The following EGLN1 variants were observed in gnomAD, a reference collection of about 807,000 sequenced individuals.
EGLN1 encodes the protein egl nine homolog 1.
In EGLN1, 17 loss-of-function variants were observed where a neutral mutation model predicts 38.3. That is an observed-to-expected ratio of 0.44 (90% CI 0.30 to 0.67). The LOEUF (loss-of-function observed/expected upper bound fraction) is 0.67. Ranked by LOEUF, EGLN1 falls within the 30% of genes least tolerant of loss-of-function variation. The pLI is 0.08. For synonymous variants in EGLN1, 283 were observed against 257.5 expected, an observed-to-expected ratio of 1.10 and a Z score of -0.95; for missense variants, 477 against 603.3, an observed-to-expected ratio of 0.79 and a Z score of 2.19.
At chr1:231,395,855 T>C (rs1688510827) in intron 1 of EGLN1, among the ~76,000 whole-genome samples, 1 of 151,988 alleles carries the variant, frequency 6.6e-6, no homozygotes, top group Non-Finnish European at 1.5e-5. Context: ...TTTAACAAGA[T>C]CTCCAAGTGA....
intron 1 of EGLN1, among the ~76,000 whole-genome samples, chr1:231,382,059 G>T (rs1688090910): frequency 6.6e-6 from 1 of 152,152 alleles, no homozygotes; most frequent in African/African-American, 2.4e-5. Flanking sequence ...ATAATTCGTT[G>T]GAAGAGTCTG....
At chr1:231,391,083 GTTTTTTTTTTGTGTGTGTGTGT>G (rs1368950546) in intron 1 of EGLN1, among the ~76,000 whole-genome samples, 60 of 49,796 alleles carry the variant, frequency 1.2e-3, no homozygotes, top group Non-Finnish European at 2.3e-3. Context: ...AACTCATTCT[GTTTTTTTTTTGTGTGTGTGTGT>G]GTGTGTGTGT....
chr1:231,372,942 G>A (rs1687865515), intron 2 of EGLN1, among the ~76,000 whole-genome samples: 1 of 152,052 alleles, frequency 6.6e-6, no homozygotes, highest in African/African-American at 2.4e-5. Context: ...TGGCTACACA[G>A]GTATGTTCAC....
chr1:231,367,452 AAAAC>A, intron 4 of EGLN1, 113 bp downstream of exon 4: 2 of 1,087,494 alleles, frequency 1.8e-6, no homozygotes, highest in Admixed American at 1.8e-5. Context: ...AATCTGATAA[AAAAC>A]AAAAAGTAAG....
chr1:231,407,378 G>A (rs550443215), intron 1 of EGLN1, among the ~76,000 whole-genome samples: 15 of 152,144 alleles, frequency 9.9e-5, no homozygotes, highest in East Asian at 5.8e-4. Context: ...CTCCTTCCAC[G>A]TAATTGACAT....
In EGLN1 at chr1:231,365,965, G is replaced by C. The variant is rs1458334560; in HGVS notation, c.*446C>G. The C allele has an allele frequency of 6.0e-6, 1 of 167,610 alleles. No homozygotes were observed. The highest frequency in any genetic ancestry group is 1.3e-5 in the Non-Finnish European group (1 of 77,088). The allele number at this position is 167,610 out of a possible 1,614,324, so 10.4% of individuals were successfully genotyped here. On this transcript the variant is annotated 3_prime_UTR_variant, in exon 5 of 5. Coordinates refer to ENST00000366641, the MANE Select transcript of EGLN1 (RefSeq NM_022051.3). Reference sequence around the variant, plus strand: ...ATGAACAGGTTTACAAAAATAGATTGATGTTATTTTGAGGAATAATACTGT... The same window carrying C: ...ATGAACAGGTTTACAAAAATAGATTCATGTTATTTTGAGGAATAATACTGT...
Position 231,421,484 on chromosome 1 carries a change from G to A in EGLN1, c.405C>T (p.Gly135=), listed in dbSNP as rs781566823. The stretch of plus-strand genomic sequence containing the variant: ...GCTCGGCTTCGGCAGCCACCGCCGA[G>A]CCCTGGCCGCCGGCGGCCGCACGAC... ...SPCRAAAGGQ[G]SAVAAEAEPG... is the part of the protein sequence containing the mutation. Residue 135 remains glycine, a synonymous_variant, in exon 1 of 5, where the codon GGC becomes GGT. Coordinates refer to ENST00000366641, the MANE Select transcript of EGLN1 (RefSeq NM_022051.3). This position sits in a 1 kb window ranked among gnomAD's most constrained non-coding sequence, Gnocchi z 5.5. The A allele has an allele frequency of 2.3e-5, 31 of 1,359,254 alleles. No homozygotes were observed. Among genetic ancestry groups the A allele is most frequent in the African/African-American group, 3.1e-5 (2 of 64,944 alleles). The allele number at this position is 1,359,254 out of a possible 1,614,324, so 84.2% of individuals were successfully genotyped here.
intron 2 of EGLN1, among the ~76,000 whole-genome samples, chr1:231,373,299 T>A (rs1178325486): frequency 6.6e-6 from 1 of 152,058 alleles, no homozygotes; most frequent in Non-Finnish European, 1.5e-5. Context: ...ATGCCAAGAA[T>A]AACATAGCAA....
At chr1:231,415,779 T>A (rs1689064596) in intron 1 of EGLN1, among the ~76,000 whole-genome samples, 1 of 151,854 alleles carries the variant, frequency 6.6e-6, no homozygotes, top group African/African-American at 2.4e-5. Context: ...GAAACTGGAC[T>A]AAGGATACAG....
rs1388172183 is a variant in EGLN1, at chr1:231,367,582, T to C, written c.1203A>G (p.Val401=). The C allele has an allele frequency of 6.2e-6, 10 of 1,613,974 alleles. No homozygotes were observed. The Admixed American group carries it at 8.3e-5, about 13-fold the overall frequency. The change falls in exon 4 of 5, where the codon GTA becomes GTG. Residue 401 remains valine, a synonymous_variant. Coordinates refer to ENST00000366641, the MANE Select transcript of EGLN1 (RefSeq NM_022051.3). ...FDADERARAK[V]KYLTGEKGVR... ...AATGACGTTTACCTGTTAGATATTT[T>C]ACTTTAGCTCGTGCTCTCTCATCTG...
At chr1:231,413,012 A>G (rs966400317) in intron 1 of EGLN1, among the ~76,000 whole-genome samples, 5 of 138,446 alleles carry the variant, frequency 3.6e-5, no homozygotes, top group African/African-American at 1.4e-4. Context: ...CTCATTTCCT[A>G]TCCTACTACA....
chr1:231,395,031 C>T (rs903369638), intron 1 of EGLN1, among the ~76,000 whole-genome samples: 2 of 152,042 alleles, frequency 1.3e-5, no homozygotes, highest in African/African-American at 4.8e-5. Context: ...TGGGGAATAA[C>T]GTTCTTCATG....
At chr1:231,404,785 C>T (rs781649964) in intron 1 of EGLN1, among the ~76,000 whole-genome samples, 17 of 151,896 alleles carry the variant, frequency 1.1e-4, no homozygotes, top group Non-Finnish European at 2.1e-4. Context: ...AAAATATTGC[C>T]ACTTGACTTC....
chr1:231,420,968 G>A, intron 1 of EGLN1, 30 bp downstream of exon 1: 1 of 1,613,992 alleles, frequency 6.2e-7, no homozygotes, highest in Non-Finnish European at 8.5e-7. Context: ...AGAAGGGCCT[G>A]TCCAGCACAA....
chr1:231,378,848 A>C (rs1688017448), intron 1 of EGLN1, among the ~76,000 whole-genome samples: 2 of 152,212 alleles, frequency 1.3e-5, no homozygotes, highest in African/African-American at 4.8e-5. Flanking sequence ...CCCTGAATGA[A>C]GGGAAAAGGT....
intron 1 of EGLN1, among the ~76,000 whole-genome samples, chr1:231,413,485 G>T (rs902279389): frequency 5.9e-5 from 9 of 152,070 alleles, no homozygotes; most frequent in Non-Finnish European, 5.9e-5. Context: ...CTATTTAAAT[G>T]TCACCTTATT....
At chr1:231,388,317 T>C (rs946202603) in intron 1 of EGLN1, among the ~76,000 whole-genome samples, 3 of 152,190 alleles carry the variant, frequency 2.0e-5, no homozygotes, top group Non-Finnish European at 4.4e-5. Flanking sequence ...TTTTAAAATC[T>C]TGAAAAATAT....
At chr1:231,392,248 C>T (rs933463031) in intron 1 of EGLN1, among the ~76,000 whole-genome samples, 29 of 152,104 alleles carry the variant, frequency 1.9e-4, no homozygotes, top group African/African-American at 6.5e-4. Flanking sequence ...GATCGCGCCA[C>T]TGCACTCCAG....
At position 231,391,571 on chromosome 1, in the gene EGLN1, G is replaced by A. The variant is rs564686503; in HGVS notation, c.892-17472C>T. Among the ~76,000 whole-genome samples the A allele has an allele frequency of 1.1e-4, 17 of 152,050 alleles. No homozygotes were observed. The South Asian group carries it at 2.7e-3, about 24-fold the overall frequency. ...TGAAAACCAAAATAAAATGGTACTC[G>A]GTAACTTTTATTAGTCTAAAAACTC... is the stretch of plus-strand genomic sequence containing the variant. On this transcript the variant is annotated intron_variant, in intron 1 of 4. Transcript: ENST00000366641.
Sources: gnomAD v4.1 joint callset for allele counts (sites outside exome capture counted in the v4.1 genomes callset) on GRCh38, gnomAD v4.1.1 for gene constraint, Gnocchi (gnomAD v3.1) non-coding constraint, MANE v1.5 for transcripts, NCBI Gene and HGNC (gene_info 2026-07-23, HGNC 2026-07-21) for gene names.